Variants in ZNF407 observed in about 807,000 individuals in gnomAD.
The protein encoded by ZNF407 is zinc finger protein 407.
Under a neutral mutation model 131.2 loss-of-function variants are expected in ZNF407, and 17 were observed. That is an observed-to-expected ratio of 0.13 (90% confidence interval 0.09 to 0.19). The LOEUF is 0.19. Ranked by LOEUF, ZNF407 falls within the 10% of genes least tolerant of loss-of-function variation. The probability of loss-of-function intolerance (pLI) is 1.00; values close to 1 mark genes in which losing one functional copy is unlikely to be tolerated. For missense variants in ZNF407, 2,681 were observed against 2,830.6 expected, an observed-to-expected ratio of 0.95 and a Z score of 1.20; for synonymous variants, 1,156 against 1,062.0, an observed-to-expected ratio of 1.09 and a Z score of -1.72.
At position 74,634,421 on chromosome 18, in the gene ZNF407, T is replaced by C. The variant is rs766120474; in HGVS notation, c.3402T>C (p.Thr1134=). ...ATTGCTCTATTTTAAATGAGAATAC[T>C]AATTTAGATATGTCTAAAGTGCTCT... ...AADCSILNEN[T]NLDMSKVLCA... Residue 1134 remains threonine, a synonymous_variant, in exon 2 of 9, where the codon ACT becomes ACC. Coordinates refer to ENST00000299687, the MANE Select transcript of ZNF407 (RefSeq NM_017757.3). 1.9e-6 allele frequency: 3 copies of C among 1,613,444 alleles called. No homozygotes were observed. In the African/African-American group the frequency reaches 4.0e-5, roughly 22 times the overall value.
At chr18:74,794,814 C>A (rs974256387) in intron 4 of ZNF407, among the ~76,000 whole-genome samples, 1 of 152,066 alleles carries the variant, frequency 6.6e-6, no homozygotes, top group Non-Finnish European at 1.5e-5. Context: ...GAGTTGCATA[C>A]GATGCTTAAT....
chr18:74,997,926 C>T (rs9961742), intron 8 of ZNF407, among the ~76,000 whole-genome samples: 25,713 of 152,132 alleles, frequency 0.17, 2,369 homozygotes, highest in Admixed American at 0.29. Context: ...TTGTTCTTCA[C>T]TTGTTTTCTG....
intron 7 of ZNF407, among the ~76,000 whole-genome samples, chr18:74,892,147 C>A (rs1347030065): frequency 6.6e-6 from 1 of 152,090 alleles, no homozygotes; most frequent in Non-Finnish European, 1.5e-5. Context: ...TAGCACAAGA[C>A]TGTTTTGACA....
At chr18:74,862,217 G>GA (rs1599204146) in intron 4 of ZNF407, among the ~76,000 whole-genome samples, 2 of 152,162 alleles carry the variant, frequency 1.3e-5, no homozygotes, top group African/African-American at 4.8e-5. Context: ...AAGCAGTGAG[G>GA]AAACCTAGGT....
rs1425444950 is a variant in ZNF407 at position 74,634,248 on chromosome 18, TATCTC to T, written c.3231_3235del (p.Tyr1077Ter). The T allele has an allele frequency of 6.2e-7, 1 of 1,614,038 alleles. No homozygotes were observed. Among genetic ancestry groups the T allele is most frequent in the Non-Finnish European group, 8.5e-7 (1 of 1,179,890 alleles). On this transcript the variant is annotated frameshift_variant, in exon 2 of 9. Transcript: ENST00000299687. LOFTEE classifies it high-confidence loss of function. ...GAAGCACAAAATGAAAAGGCAGTCT[TATCTC>T]AACTCTGCTAATGTAGAAGCTGGTT...
chr18:74,983,589 GACTTCTAT>G (rs1568291490), intron 8 of ZNF407, among the ~76,000 whole-genome samples: 1 of 152,150 alleles, frequency 6.6e-6, no homozygotes, highest in Non-Finnish European at 1.5e-5. Flanking sequence ...TGAAGAATAT[GACTTCTAT>G]ACAGAGGAAA....
chr18:74,889,958 C>T lies in ZNF407; in HGVS notation c.5169C>T (p.Ser1723=). The change falls in exon 7 of 9, where the codon TCC becomes TCT. Residue 1723 remains serine, a synonymous_variant. Transcript: ENST00000299687. ...PFKCDECNFA[S]TTQSHLTRHK... is the part of the protein sequence containing the mutation. ...AGTGCGATGAGTGTAACTTTGCCTC[C>T]ACAACTCAGTCCCATTTGACTCGGC... 6.2e-7 allele frequency: 1 copy of T among 1,609,806 alleles called. No homozygotes were observed. The highest frequency in any genetic ancestry group is 2.2e-5 in the East Asian group (1 of 44,802).
intron 8 of ZNF407, among the ~76,000 whole-genome samples, chr18:74,963,266 T>C (rs1972370069): frequency 6.6e-6 from 1 of 152,082 alleles, no homozygotes; most frequent in Non-Finnish European, 1.5e-5. Flanking sequence ...TTTCACATTA[T>C]TTGTAATATG....
intron 8 of ZNF407, among the ~76,000 whole-genome samples, chr18:75,026,144 C>T (rs939383176): frequency 6.6e-6 from 1 of 152,170 alleles, no homozygotes; most frequent in African/African-American, 2.4e-5. Context: ...GAGACGACGA[C>T]AAAGGAACTT....
intron 8 of ZNF407, among the ~76,000 whole-genome samples, chr18:74,939,546 A>G (rs1185922065): frequency 1.2e-4 from 19 of 152,222 alleles, no homozygotes; most frequent in Non-Finnish European, 1.2e-4. Flanking sequence ...GCAGATTACC[A>G]AAAGTATATG....
At chr18:75,019,579 G>A (rs796517553) in intron 8 of ZNF407, among the ~76,000 whole-genome samples, 4 of 152,262 alleles carry the variant, frequency 2.6e-5, no homozygotes, top group Admixed American at 6.5e-5. Flanking sequence ...CTCAGGGTGC[G>A]AATCATCCCT....
chr18:74,969,174 A>G (rs147609061), intron 8 of ZNF407, among the ~76,000 whole-genome samples: 1 of 152,148 alleles, frequency 6.6e-6, no homozygotes, highest in East Asian at 1.9e-4. Flanking sequence ...GTTTCACGAG[A>G]GTTTATAATT....
chr18:74,927,831 G>A (rs1197947496), intron 8 of ZNF407, among the ~76,000 whole-genome samples: 1 of 151,150 alleles, frequency 6.6e-6, no homozygotes, highest in Non-Finnish European at 1.5e-5. Flanking sequence ...ATATATATGT[G>A]TACACATTAG....
chr18:75,045,397 T>C (rs1973423485), intron 8 of ZNF407, among the ~76,000 whole-genome samples: 1 of 152,154 alleles, frequency 6.6e-6, no homozygotes, highest in Non-Finnish European at 1.5e-5. Flanking sequence ...AGGCTTAAGT[T>C]GGGGCATTCA....
At chr18:74,769,640 G>A (rs74579062) in intron 3 of ZNF407, among the ~76,000 whole-genome samples, 176 of 151,978 alleles carry the variant, frequency 1.2e-3, no homozygotes, top group African/African-American at 3.7e-3. Context: ...ATCTCATTTC[G>A]TCTCACATGT....
intron 4 of ZNF407, among the ~76,000 whole-genome samples, chr18:74,792,745 T>C (rs1439929447): frequency 6.6e-6 from 1 of 152,174 alleles, no homozygotes; most frequent in African/African-American, 2.4e-5. Context: ...TTGGTTTTCT[T>C]AGCATTAACT....
chr18:74,705,569 A>G (rs1967605859), intron 3 of ZNF407, among the ~76,000 whole-genome samples: 1 of 152,194 alleles, frequency 6.6e-6, no homozygotes, highest in African/African-American at 2.4e-5. Context: ...GACTTTTTGA[A>G]TATAGCTCGC....
chr18:74,980,918 A>AGT (rs1227101422), intron 8 of ZNF407, among the ~76,000 whole-genome samples: 20 of 152,112 alleles, frequency 1.3e-4, no homozygotes, highest in Admixed American at 1.2e-3. Context: ...TGGGGATTGG[A>AGT]GTATTTTTGC....
At chr18:74,669,014 C>A (rs1321701537) in intron 3 of ZNF407, among the ~76,000 whole-genome samples, 1 of 152,062 alleles carries the variant, frequency 6.6e-6, no homozygotes, top group Non-Finnish European at 1.5e-5. Context: ...CACACGTTCC[C>A]TCTACCCAGG....
Sources: allele counts gnomAD v4.1 joint callset (sites outside exome capture counted in the v4.1 genomes callset), GRCh38; gene constraint gnomAD v4.1.1; transcripts MANE v1.5; gene names NCBI Gene and HGNC (gene_info 2026-07-23, HGNC 2026-07-21).